Variants in GRM7 observed in about 807,000 individuals in gnomAD.
GRM7 encodes metabotropic glutamate receptor 7.
GRM7 carries 35 observed loss-of-function variants against 84.5 expected under a neutral mutation model. The observed-to-expected ratio is 0.41, with a 90% CI of 0.32 to 0.55. GRM7 has a LOEUF of 0.55. GRM7 is among the 20% of genes least tolerant of loss of function. The pLI is 0.19. For missense variants in GRM7, 1,003 were observed against 1,194.6 expected (o/e 0.84, Z 2.36); for synonymous variants, 487 against 455.1 (o/e 1.07, Z -0.89).
At chr3:7,491,237 A>G (rs1038874687) in intron 7 of GRM7, among the ~76,000 whole-genome samples, 10 of 152,066 alleles carry the variant, frequency 6.6e-5, no homozygotes, top group Non-Finnish European at 4.4e-5. Context: ...AAATTTTTAC[A>G]AAAATGGTAT....
At chr3:7,342,754 A>C (rs1692699573) in intron 4 of GRM7, among the ~76,000 whole-genome samples, 1 of 152,154 alleles carries the variant, frequency 6.6e-6, no homozygotes, top group African/African-American at 2.4e-5. Context: ...ACCAGGTACC[A>C]CACTTTGAGA....
intron 4 of GRM7, among the ~76,000 whole-genome samples, chr3:7,369,951 A>C (rs1477717087): frequency 6.6e-6 from 1 of 152,136 alleles, no homozygotes; most frequent in Non-Finnish European, 1.5e-5. Context: ...CACAGGTAAC[A>C]GAAATAGCTA....
chr3:7,221,844 T>C (rs1281069300), intron 2 of GRM7, among the ~76,000 whole-genome samples: 1 of 146,708 alleles, frequency 6.8e-6, no homozygotes, highest in Non-Finnish European at 1.5e-5. Context: ...TCTTACTCTG[T>C]CGCCAAGCCT....
At chr3:6,906,615 A>C (rs149898056) in intron 1 of GRM7, among the ~76,000 whole-genome samples, 1 of 152,204 alleles carries the variant, frequency 6.6e-6, no homozygotes, top group Non-Finnish European at 1.5e-5. Flanking sequence ...GACTTAGACA[A>C]ATGGGTCCTA....
chr3:7,438,807 G>T (rs1470031185), intron 5 of GRM7, among the ~76,000 whole-genome samples: 1 of 152,096 alleles, frequency 6.6e-6, no homozygotes, highest in African/African-American at 2.4e-5. Context: ...AGAGAATGGT[G>T]CCAGATTCAT....
At chr3:7,104,177 G>A (rs561696164) in intron 1 of GRM7, among the ~76,000 whole-genome samples, 2 of 151,574 alleles carry the variant, frequency 1.3e-5, no homozygotes, top group South Asian at 4.2e-4. Flanking sequence ...TTTCATGTGA[G>A]GACACACTAA....
At chr3:7,286,719 C>T (rs1559553931) in intron 2 of GRM7, among the ~76,000 whole-genome samples, 1 of 152,086 alleles carries the variant, frequency 6.6e-6, no homozygotes, top group African/African-American at 2.4e-5. Flanking sequence ...GCATGCATGT[C>T]TCTTCCTCTC....
At chr3:7,572,262 C>A (rs1477143469) in intron 7 of GRM7, among the ~76,000 whole-genome samples, 1 of 152,174 alleles carries the variant, frequency 6.6e-6, no homozygotes, top group Non-Finnish European at 1.5e-5. Flanking sequence ...ACCTGAGAAA[C>A]TTTGAAACAC....
rs776757673 is a variant in GRM7 at position 7,151,176 on chromosome 3, A to G, written c.736+4508A>G. On this transcript the variant is annotated intron_variant, in intron 2 of 9. Coordinates refer to ENST00000357716, the MANE Select transcript of GRM7 (RefSeq NM_000844.4). This position sits in a 1 kb window ranked among gnomAD's most constrained non-coding sequence, Gnocchi z 4.5. ...AGCATATTTTTTTCCTAAAATACTT[A>G]GAGGAAGATTTGATTAACTGTTATT... is the stretch of plus-strand genomic sequence containing the variant. 6.6e-6 allele frequency among the ~76,000 whole-genome samples: 1 copy of G among 152,126 alleles called. No individual in the cohort carries two copies. The highest frequency in any genetic ancestry group is 1.5e-5 in the Non-Finnish European group (1 of 68,018).
In GRM7 at chr3:7,709,670, G is replaced by C. The variant is rs112630209; in HGVS notation, c.2698+29375G>C. 1.6e-4 allele frequency among the ~76,000 whole-genome samples: 25 copies of C among 152,262 alleles called. 1 individual carries two copies. Among genetic ancestry groups the C allele is most frequent in the African/African-American group, 5.5e-4 (23 of 41,558 alleles). ...AGTAAGATTTCCAAACAAGTGTGAAGATTTCTGCTTTCAATAAGCAGTTCA... is the reference window on the plus strand; with the variant it reads ...AGTAAGATTTCCAAACAAGTGTGAACATTTCTGCTTTCAATAAGCAGTTCA... On this transcript the variant is annotated intron_variant, in intron 9 of 9. Coordinates refer to ENST00000357716, the MANE Select transcript of GRM7 (RefSeq NM_000844.4).
At chr3:6,903,517 T>A (rs888425633) in intron 1 of GRM7, among the ~76,000 whole-genome samples, 1 of 152,164 alleles carries the variant, frequency 6.6e-6, no homozygotes, top group South Asian at 2.1e-4. Context: ...TTCACATAAG[T>A]TAATACCAAG....
chr3:7,412,203 G>A (rs1268321416), intron 4 of GRM7, among the ~76,000 whole-genome samples: 1 of 152,126 alleles, frequency 6.6e-6, no homozygotes, highest in Non-Finnish European at 1.5e-5. Context: ...TCTGTTTATA[G>A]GCTGGTTGAA....
At chr3:7,664,721 AAAGACAGGTAGTCTC>A (rs1410524440) in intron 8 of GRM7, among the ~76,000 whole-genome samples, 4 of 152,182 alleles carry the variant, frequency 2.6e-5, no homozygotes, top group Non-Finnish European at 5.9e-5. Context: ...GAAAATGAAT[AAAGACAGGTAGTCTC>A]TGCTCTACCA....
chr3:6,896,146 C>G (rs532401646), intron 1 of GRM7, among the ~76,000 whole-genome samples: 1 of 152,188 alleles, frequency 6.6e-6, no homozygotes, highest in Middle Eastern at 3.4e-3. Context: ...GGAAGCCATT[C>G]CAAAGGATGT....
chr3:7,010,966 C>CA (rs1433198717), intron 1 of GRM7, among the ~76,000 whole-genome samples: 1 of 152,162 alleles, frequency 6.6e-6, no homozygotes, highest in Non-Finnish European at 1.5e-5. Flanking sequence ...CCAGTTCTCT[C>CA]AAAGTGCATG....
chr3:6,935,905 A>C (rs1399997095), intron 1 of GRM7, among the ~76,000 whole-genome samples: 1 of 152,018 alleles, frequency 6.6e-6, no homozygotes. Context: ...CATGTTGGCC[A>C]GCCATGTTGA....
At chr3:7,052,720 G>GT (rs372132445) in intron 1 of GRM7, among the ~76,000 whole-genome samples, 7,536 of 101,490 alleles carry the variant, frequency 0.074, 378 homozygotes, top group East Asian at 0.21. Context: ...AGTATCGGTA[G>GT]TTTTTTTTTT....
chr3:7,221,046 G>A (rs182901150), intron 2 of GRM7, among the ~76,000 whole-genome samples: 1 of 151,198 alleles, frequency 6.6e-6, no homozygotes, highest in Admixed American at 6.6e-5. Flanking sequence ...GCAATGAGCC[G>A]AGATCACACC....
Position 7,027,061 on chromosome 3 carries a change from G to A in GRM7, c.520-119391G>A, listed in dbSNP as rs111352522. Reference sequence around the variant, plus strand: ...CCTGTGTAGCTCACATAGCTTTAAAGGGTCACCACAAATTCCACCTCTTAT... The same window carrying A: ...CCTGTGTAGCTCACATAGCTTTAAAAGGTCACCACAAATTCCACCTCTTAT... On this transcript the variant is annotated intron_variant, in intron 1 of 9. Transcript: ENST00000357716. Among the ~76,000 whole-genome samples, 555 of 152,166 alleles carry A rather than the reference G, an allele frequency of 3.6e-3. 7 individuals carry two copies. The highest frequency in any genetic ancestry group is 0.017 in the Middle Eastern group (5 of 294).
Sources: allele counts gnomAD v4.1 joint callset (sites outside exome capture counted in the v4.1 genomes callset), GRCh38; gene constraint gnomAD v4.1.1; non-coding constraint Gnocchi (gnomAD v3.1); transcripts MANE v1.5; gene names NCBI Gene and HGNC (gene_info 2026-07-23, HGNC 2026-07-21).